HYDIN: variants seen among roughly 807,000 people sequenced by gnomAD.
The protein encoded by HYDIN is HYDIN axonemal central pair apparatus protein.
HYDIN carries 132 observed loss-of-function variants against 403.9 expected under a neutral mutation model. The observed-to-expected ratio is 0.33, with a 90% CI of 0.28 to 0.38. The LOEUF (loss-of-function observed/expected upper bound fraction) is 0.38. HYDIN is among the 10% of genes least tolerant of loss of function. The probability of loss-of-function intolerance (pLI) is 1.00; values close to 1 mark genes in which losing one functional copy is unlikely to be tolerated. For missense variants in HYDIN, 2,827 were observed against 5,009.5 expected (o/e 0.56, Z 13.15); for synonymous variants, 1,202 against 1,891.7 (o/e 0.64, Z 9.46).
intron 39 of HYDIN, among the ~76,000 whole-genome samples, chr16:70,958,168 T>C (rs1774263): frequency 6.6e-6 from 1 of 152,224 alleles, no homozygotes; most frequent in Non-Finnish European, 1.5e-5. Context: ...AATCCTTAAT[T>C]ATATGGATTA....
chr16:71,087,783 C>A lies in HYDIN; in HGVS notation c.1670+518G>T, dbSNP rs551149524. ...TGGAGGGAGGTCTTGCTAGCAGTTA[C>A]CAGAATAAGAGAAACTGCCATGGTA... On this transcript the variant is annotated intron_variant, in intron 12 of 85. Transcript: ENST00000393567. 1,076 of 151,994 alleles carry A rather than the reference C, an allele frequency of 7.1e-3. 3 individuals carry two copies. The highest frequency in any genetic ancestry group is 0.013 in the Non-Finnish European group (857 of 68,376). 9.4% of individuals were successfully genotyped at this position (151,994 alleles called of 1,614,324 possible). A position where few individuals can be genotyped will look rare whatever the true frequency, so the allele number is the denominator to read the frequency against.
Position 71,165,142 on chromosome 16 carries a change from T to G in HYDIN, c.517-2412A>C, listed in dbSNP as rs569917361. ...GGACCCAGTAAAAATGTAAGTCAGCTCAGGCTGCTTCTCCGCTGAAAAGTA... is the reference window on the plus strand; with the variant it reads ...GGACCCAGTAAAAATGTAAGTCAGCGCAGGCTGCTTCTCCGCTGAAAAGTA... On this transcript the variant is annotated intron_variant, in intron 5 of 85. Coordinates refer to ENST00000393567, the MANE Select transcript of HYDIN (RefSeq NM_001270974.2). 2.0e-5 allele frequency among the ~76,000 whole-genome samples: 3 copies of G among 151,238 alleles called. No homozygotes were observed. The South Asian group carries it at 6.3e-4, about 32-fold the overall frequency.
intron 18 of HYDIN, among the ~76,000 whole-genome samples, chr16:71,037,047 G>C (rs1332803458): frequency 4.0e-5 from 6 of 151,186 alleles, no homozygotes; most frequent in Non-Finnish European, 8.9e-5. Context: ...CTGAAGGAAA[G>C]GGATGTGGGT....
intron 10 of HYDIN, among the ~76,000 whole-genome samples, chr16:71,110,616 G>C (rs1318074077): frequency 1.3e-5 from 2 of 151,210 alleles, no homozygotes; most frequent in African/African-American, 4.9e-5. Flanking sequence ...TATCATAAAA[G>C]TCAAGGTGAT....
At chr16:71,049,299 G>T (rs2081557813) in intron 18 of HYDIN, among the ~76,000 whole-genome samples, 1 of 152,222 alleles carries the variant, frequency 6.6e-6, no homozygotes, top group South Asian at 2.1e-4. Context: ...ACAAAGTTGT[G>T]ATGTTCCTGA....
At chr16:70,965,013 T>C (rs12325092) in intron 36 of HYDIN, 117 bp from the exon 37 acceptor site, 76,868 of 620,822 alleles carry the variant, frequency 0.12, 3,405 homozygotes, top group African/African-American at 0.25. Flanking sequence ...CTGAGACTTG[T>C]ACAAATACTT....
chr16:71,223,864 C>A (rs190969228), intron 1 of HYDIN, among the ~76,000 whole-genome samples: 1 of 152,138 alleles, frequency 6.6e-6, no homozygotes, highest in Admixed American at 6.5e-5. Flanking sequence ...GGGAATACTT[C>A]TACACTATTG....
intron 13 of HYDIN, among the ~76,000 whole-genome samples, chr16:71,078,294 T>C (rs370998193): frequency 6.6e-6 from 1 of 151,776 alleles, no homozygotes; most frequent in African/African-American, 2.4e-5. Context: ...ATATTTGACT[T>C]CTTTTTCAGT....
intron 25 of HYDIN, among the ~76,000 whole-genome samples, chr16:70,989,893 C>A (rs576141529): frequency 7.2e-5 from 11 of 152,258 alleles, no homozygotes; most frequent in African/African-American, 2.6e-4. Context: ...AATTCCTGCC[C>A]TCATGAAGAT....
chr16:71,206,783 C>T (rs539892390), intron 1 of HYDIN, among the ~76,000 whole-genome samples: 1 of 152,142 alleles, frequency 6.6e-6, no homozygotes, highest in Admixed American at 6.5e-5. Flanking sequence ...AAAGCAATCA[C>T]AAGTATTAAC....
intron 45 of HYDIN, among the ~76,000 whole-genome samples, chr16:70,928,284 A>C (rs1306938076): frequency 6.6e-6 from 1 of 152,242 alleles, no homozygotes; most frequent in East Asian, 1.9e-4. Context: ...GCAACATGGC[A>C]TAACCACATT....
intron 53 of HYDIN, among the ~76,000 whole-genome samples, chr16:70,900,476 CA>C (rs71857692): frequency 0.052 from 3,279 of 63,450 alleles, 119 homozygotes; most frequent in African/African-American, 0.14. Flanking sequence ...GACTCCATCT[CA>C]AAAAAAAAAA....
At chr16:71,116,248 T>G (rs2084025006) in intron 9 of HYDIN, among the ~76,000 whole-genome samples, 1 of 150,034 alleles carries the variant, frequency 6.7e-6, no homozygotes, top group Non-Finnish European at 1.5e-5. Flanking sequence ...TTTTTTTTTT[T>G]TTTTAAGATT....
chr16:71,226,670 T>A (rs2041046455), intron 1 of HYDIN, among the ~76,000 whole-genome samples: 1 of 152,184 alleles, frequency 6.6e-6, no homozygotes, highest in South Asian at 2.1e-4. Flanking sequence ...TCTTTTTAAA[T>A]AAACAGAAAT....
chr16:71,170,293 G>T (rs1362028920), intron 5 of HYDIN, among the ~76,000 whole-genome samples: 1 of 152,138 alleles, frequency 6.6e-6, no homozygotes, highest in Non-Finnish European at 1.5e-5. Context: ...ATAAATTATG[G>T]AATTAGAAAC....
At chr16:71,061,416 G>A (rs1390449654) in intron 17 of HYDIN, among the ~76,000 whole-genome samples, 23 of 152,368 alleles carry the variant, frequency 1.5e-4, no homozygotes, top group African/African-American at 5.5e-4. Context: ...GAAACGTAAG[G>A]TGACATCACT....
chr16:71,019,551 T>C (rs1322708700), intron 22 of HYDIN, among the ~76,000 whole-genome samples: 3 of 152,262 alleles, frequency 2.0e-5, no homozygotes, highest in Non-Finnish European at 4.4e-5. Flanking sequence ...CCCTTGTAGA[T>C]CATGGCATCT....
Position 71,067,402 on chromosome 16 carries a change from A to G in HYDIN, c.1975-12T>C. ...GAGCATAATGTCACCTGGAAAGAAAAAGGTGACAAGTTGGTCTTCGAAAAA... is the reference window on the plus strand; with the variant it reads ...GAGCATAATGTCACCTGGAAAGAAAGAGGTGACAAGTTGGTCTTCGAAAAA... On this transcript the variant is annotated splice_polypyrimidine_tract_variant and intron_variant, in intron 14 of 85. Coordinates refer to ENST00000393567, the MANE Select transcript of HYDIN (RefSeq NM_001270974.2). The G allele has an allele frequency of 1.3e-6, 2 of 1,591,684 alleles. No individual in the cohort carries two copies. The highest frequency in any genetic ancestry group is 1.7e-6 in the Non-Finnish European group (2 of 1,165,206).
chr16:71,012,557 C>A (rs1019700480), intron 23 of HYDIN, among the ~76,000 whole-genome samples: 7 of 152,190 alleles, frequency 4.6e-5, no homozygotes, highest in African/African-American at 1.2e-4. Flanking sequence ...GTGAGAATTG[C>A]CTACAAAGTC....
Sources: allele counts gnomAD v4.1 joint callset (sites outside exome capture counted in the v4.1 genomes callset), GRCh38; gene constraint gnomAD v4.1.1; transcripts MANE v1.5; gene names NCBI Gene and HGNC (gene_info 2026-07-23, HGNC 2026-07-21).